Variants in PRKAR1B observed in about 807,000 individuals in gnomAD.
PRKAR1B encodes the protein cAMP-dependent protein kinase type I-beta regulatory subunit.
In PRKAR1B, 22 loss-of-function variants were observed where a neutral mutation model predicts 46.5. That is an observed-to-expected ratio of 0.47 (90% CI 0.34 to 0.68). The LOEUF (loss-of-function observed/expected upper bound fraction) is 0.68, where lower values mean the gene tolerates loss of function less well. Ranked by LOEUF, PRKAR1B falls within the 30% of genes least tolerant of loss-of-function variation. The probability of loss-of-function intolerance (pLI) is 0.01; values close to 1 mark genes in which losing one functional copy is unlikely to be tolerated. For synonymous variants in PRKAR1B, 259 were observed against 217.7 expected (o/e 1.19, Z -1.67); for missense variants, 445 against 535.6 (o/e 0.83, Z 1.67).
At chr7:607,527 C>A in intron 4 of PRKAR1B, 75 bp from the exon 5 acceptor site, 2 of 1,288,404 alleles carry the variant, frequency 1.6e-6, no homozygotes, top group African/African-American at 1.5e-5. Context: ...CCTCATTTCA[C>A]AGTCTTGTGT....
intron 6 of PRKAR1B, 99 bp downstream of exon 6, chr7:606,094 G>A (rs904083599): frequency 2.2e-5 from 24 of 1,108,626 alleles, no homozygotes; most frequent in Non-Finnish European, 2.8e-5. Flanking sequence ...GGCACTCAGC[G>A]CAGTGTTTGT....
chr7:563,366 G>A (rs541867311), intron 9 of PRKAR1B, among the ~76,000 whole-genome samples: 1 of 152,394 alleles, frequency 6.6e-6, no homozygotes, highest in South Asian at 2.1e-4. Flanking sequence ...CATTCCTTAG[G>A]CCAGAAGGGA....
chr7:653,668 C>G (rs1357398139), intron 4 of PRKAR1B, among the ~76,000 whole-genome samples: 1 of 152,166 alleles, frequency 6.6e-6, no homozygotes, highest in Non-Finnish European at 1.5e-5. Flanking sequence ...CAATCCCCTC[C>G]CAAACCACAT....
chr7:695,135 T>G (rs1562347015), intron 2 of PRKAR1B, among the ~76,000 whole-genome samples: 1 of 151,812 alleles, frequency 6.6e-6, no homozygotes, highest in African/African-American at 2.4e-5. Context: ...TCACGCCATA[T>G]AAACTGTCAT....
At chr7:568,657 C>CG (rs1226245446) in intron 9 of PRKAR1B, among the ~76,000 whole-genome samples, 1 of 152,322 alleles carries the variant, frequency 6.6e-6, no homozygotes, top group Admixed American at 6.5e-5. Context: ...GCCCCTGCTG[C>CG]GGGGGGTGGA....
chr7:551,479 G>A lies in PRKAR1B; in HGVS notation c.892-9C>T, dbSNP rs775817629. ...AGCACGGACGCGGTGCCCTGTGGGT[G>A]GAGGTGGACAGACGTGAGTGCCAGC... On this transcript the variant is annotated splice_polypyrimidine_tract_variant and intron_variant, in intron 9 of 10. Coordinates refer to ENST00000537384, the MANE Select transcript of PRKAR1B (RefSeq NM_001164760.2). 6 of 1,552,262 alleles carry A rather than the reference G, an allele frequency of 3.9e-6. No homozygotes were observed. The highest frequency in any genetic ancestry group is 2.0e-5 in the Admixed American group (1 of 51,082).
chr7:715,432 C>T (rs995579563), intron 1 of PRKAR1B, among the ~76,000 whole-genome samples: 7 of 152,124 alleles, frequency 4.6e-5, no homozygotes, highest in African/African-American at 7.2e-5. Flanking sequence ...CCCTGCCACA[C>T]GGTGACAAAC....
At chr7:552,551 T>G (rs1261034113) in intron 9 of PRKAR1B, among the ~76,000 whole-genome samples, 1 of 149,318 alleles carries the variant, frequency 6.7e-6, no homozygotes, top group African/African-American at 2.5e-5. Context: ...TGCTGCTGCT[T>G]CTCCCGTTCC....
chr7:583,690 ACT>A (rs752996376), intron 8 of PRKAR1B, among the ~76,000 whole-genome samples: 52 of 118,030 alleles, frequency 4.4e-4, no homozygotes, highest in Middle Eastern at 4.0e-3. Flanking sequence ...CACACGGTGC[ACT>A]CACACCCTCA....
intron 2 of PRKAR1B, among the ~76,000 whole-genome samples, chr7:685,327 C>CAT (rs1562615815): frequency 7.9e-5 from 4 of 50,810 alleles, no homozygotes; most frequent in South Asian, 8.3e-4. Flanking sequence ...CGTATATATA[C>CAT]GTATATATAC....
At chr7:674,988 C>G (rs1786496787) in intron 4 of PRKAR1B, among the ~76,000 whole-genome samples, 1 of 152,152 alleles carries the variant, frequency 6.6e-6, no homozygotes, top group Non-Finnish European at 1.5e-5. Context: ...CAAAATGTAT[C>G]AAAAGCCTGT....
At chr7:680,399 A>C (rs1211646488) in intron 3 of PRKAR1B, among the ~76,000 whole-genome samples, 157 bp downstream of exon 3, 3 of 152,108 alleles carry the variant, frequency 2.0e-5, no homozygotes, top group Admixed American at 2.0e-4. Flanking sequence ...CCCACCCAGA[A>C]CTGCCTCTGC....
rs529587294 is a variant in PRKAR1B at position 681,089 on chromosome 7, AG to A, written c.178-364del. Among the ~76,000 whole-genome samples the A allele has an allele frequency of 1.6e-3, 238 of 152,194 alleles. 1 individual carries two copies. The highest frequency in any genetic ancestry group is 5.4e-3 in the Admixed American group (82 of 15,296). On this transcript the variant is annotated intron_variant, in intron 2 of 10. Transcript: ENST00000537384. The stretch of plus-strand genomic sequence containing the variant: ...TCGTGATAGTGAGGGAGTTTTCACA[AG>A]ATCTGATGGGTTTCCAAGGGACTCC...
chr7:673,797 T>A (rs2128503545), intron 4 of PRKAR1B, among the ~76,000 whole-genome samples: 1 of 152,300 alleles, frequency 6.6e-6, no homozygotes, highest in Admixed American at 6.5e-5. Flanking sequence ...AAACGTATCG[T>A]CTCTGCAGTT....
chr7:690,018 A>G (rs553404430), intron 2 of PRKAR1B, among the ~76,000 whole-genome samples: 57 of 148,006 alleles, frequency 3.9e-4, no homozygotes, highest in African/African-American at 1.3e-3. Context: ...GAGGGAGGCC[A>G]GGCACGGTGG....
At chr7:654,639 C>T (rs557255894) in intron 4 of PRKAR1B, among the ~76,000 whole-genome samples, 2 of 151,426 alleles carry the variant, frequency 1.3e-5, no homozygotes, top group Admixed American at 6.6e-5. Context: ...TTCATCATCA[C>T]CATCATTGCC....
chr7:711,279 T>C, intron 2 of PRKAR1B, 50 bp downstream of exon 2: 1 of 1,602,474 alleles, frequency 6.2e-7, no homozygotes, highest in Non-Finnish European at 8.5e-7. Context: ...CTGCCGCCTC[T>C]GCCCCAGGAC....
rs748978313 is a variant in PRKAR1B, at chr7:584,535, C to T, written c.742G>A (p.Glu248Lys). The change falls in exon 8 of 11, where the codon GAG (glutamate) becomes AAG (lysine). Residue 248 changes from glutamate to lysine, a missense_variant. Physicochemically the swap from Glu to Lys is moderately conservative, Grantham distance 56. This residue lies in a region of PRKAR1B where 51 missense variants were observed against 85.1 expected (regional missense o/e 0.60). Coordinates refer to ENST00000537384, the MANE Select transcript of PRKAR1B (RefSeq NM_001164760.2). ...STLRKRKMYE[E>K]FLSKVSILES... is the part of the protein sequence containing the mutation. ...AGGATGGAGACCTTGCTGAGGAACT[C>T]CTCGTACATCTTGCGTTTCCTCAGC... The T allele has an allele frequency of 1.9e-5, 30 of 1,613,920 alleles. No homozygotes were observed. The highest frequency in any genetic ancestry group is 2.5e-5 in the Non-Finnish European group (30 of 1,179,978).
chr7:550,207 C>G lies in PRKAR1B; in HGVS notation c.*223G>C, dbSNP rs546346689. On this transcript the variant is annotated 3_prime_UTR_variant, in exon 11 of 11. Coordinates refer to ENST00000537384, the MANE Select transcript of PRKAR1B (RefSeq NM_001164760.2). Reference sequence around the variant, plus strand: ...GGGGAGGAAGCTGGCCTGTCCCTTCCTTGATCTTGGGATGCATTTTGTCCG... The same window carrying G: ...GGGGAGGAAGCTGGCCTGTCCCTTCGTTGATCTTGGGATGCATTTTGTCCG... 1 of 560,272 alleles carries G rather than the reference C, an allele frequency of 1.8e-6. No individual in the cohort carries two copies. The highest frequency in any genetic ancestry group is 2.0e-5 in the South Asian group (1 of 49,368). The allele number at this position is 560,272 out of a possible 1,614,324, so 34.7% of individuals were successfully genotyped here.
Sources: gnomAD v4.1 joint callset for allele counts (sites outside exome capture counted in the v4.1 genomes callset) on GRCh38, gnomAD v4.1.1 for gene constraint, gnomAD v4.1.1 regional missense constraint, MANE v1.5 for transcripts, NCBI Gene and HGNC (gene_info 2026-07-23, HGNC 2026-07-21) for gene names.